CSNK2A2: variants seen among roughly 807,000 people sequenced by gnomAD.
CSNK2A2 encodes casein kinase II subunit alpha'.
Under a neutral mutation model 54.0 loss-of-function variants are expected in CSNK2A2, and 8 were observed. That is an observed-to-expected ratio of 0.15 (90% confidence interval 0.09 to 0.27). The LOEUF is 0.27. Among genes scored for constraint, CSNK2A2 ranks in the 10% least tolerant of loss-of-function variants. The pLI, the probability that CSNK2A2 is intolerant of heterozygous loss-of-function variation, is 1.00. For synonymous variants in CSNK2A2, 141 were observed against 153.9 expected (o/e 0.92, Z 0.62); for missense variants, 242 against 439.4 (o/e 0.55, Z 4.02).
intron 10 of CSNK2A2, among the ~76,000 whole-genome samples, chr16:58,164,656 A>G (rs1256385960): frequency 1.3e-5 from 2 of 152,186 alleles, no homozygotes; most frequent in African/African-American, 2.4e-5. Context: ...TCCTAATTTG[A>G]TCTAACTCGG....
intron 11 of CSNK2A2, 122 bp downstream of exon 11, chr16:58,163,932 G>T: frequency 1.3e-6 from 1 of 755,166 alleles, no homozygotes; most frequent in African/African-American, 1.7e-5. Flanking sequence ...AGACTTTTAG[G>T]TCTTTACTCT....
intron 5 of CSNK2A2, among the ~76,000 whole-genome samples, chr16:58,173,370 C>G (rs764736665): frequency 5.9e-5 from 9 of 152,174 alleles, no homozygotes; most frequent in Non-Finnish European, 1.3e-4. Context: ...AGATCTACAA[C>G]TACCCTAAAA....
At chr16:58,173,892 C>G (rs1203277010) in intron 5 of CSNK2A2, 1 of 152,236 alleles carries the variant, frequency 6.6e-6, no homozygotes, top group Non-Finnish European at 1.5e-5. Flanking sequence ...TGAAAAGTGC[C>G]TATACATTGA....
In CSNK2A2 at chr16:58,164,143, A is replaced by G; in HGVS notation, c.981T>C (p.Pro327=). ...AAGGCTGGGACTGCTCCTTCACCAC[A>G]GGGTCTGCAAGAAAGCAGGAGGAAA... is the stretch of plus-strand genomic sequence containing the variant. ...KEAMEHPYFY[P]VVKEQSQPCA... is the part of the protein sequence containing the mutation. Residue 327 remains proline (P), a synonymous_variant, in exon 11 of 12, where the codon CCT becomes CCC. Coordinates refer to ENST00000262506, the MANE Select transcript of CSNK2A2 (RefSeq NM_001896.4). 6.2e-7 allele frequency: 1 copy of G among 1,613,742 alleles called. No homozygotes were observed. Among genetic ancestry groups the G allele is most frequent in the Non-Finnish European group, 8.5e-7 (1 of 1,179,780 alleles).
chr16:58,173,959 G>C (rs1961808290), intron 5 of CSNK2A2: 5 of 152,550 alleles, frequency 3.3e-5, no homozygotes, highest in Admixed American at 3.3e-4. Context: ...GAAGCAGCAT[G>C]AACTTCACAG....
At chr16:58,182,726 GT>G (rs1481092689) in intron 4 of CSNK2A2, among the ~76,000 whole-genome samples, 3 of 152,110 alleles carry the variant, frequency 2.0e-5, no homozygotes, top group Non-Finnish European at 4.4e-5. Context: ...AAAATATTTG[GT>G]TTCATTAAAG....
chr16:58,192,584 G>A (rs1239020025), intron 2 of CSNK2A2: 2 of 152,288 alleles, frequency 1.3e-5, no homozygotes, highest in East Asian at 1.9e-4. Flanking sequence ...AGCCCTCGAG[G>A]ACTCTTGGAT....
intron 2 of CSNK2A2, among the ~76,000 whole-genome samples, chr16:58,196,210 A>G (rs1962440320): frequency 6.6e-6 from 1 of 152,244 alleles, no homozygotes; most frequent in Non-Finnish European, 1.5e-5. Flanking sequence ...ACATTTTAGA[A>G]CAAACACTTT....
Position 58,196,843 on chromosome 16 carries a change from T to C in CSNK2A2, c.106A>G (p.Asn36Asp), listed in dbSNP as rs747744716. ...DYEAHVPSWG[N>D]QDDYQLVRKL... is the part of the protein sequence containing the mutation. Reference sequence around the variant, plus strand: ...CGAACCAGTTGGTAATCATCTTGATTACTGTAAAAGGAAGACACACACATA... The same window carrying C: ...CGAACCAGTTGGTAATCATCTTGATCACTGTAAAAGGAAGACACACACATA... Residue 36 changes from asparagine to aspartate, a missense_variant and splice_region_variant, in exon 2 of 12, where the codon AAT (asparagine) becomes GAT (aspartate). Transcript: ENST00000262506. 6.3e-7 allele frequency: 1 copy of C among 1,596,194 alleles called. No individual in the cohort carries two copies. Among genetic ancestry groups the C allele is most frequent in the Non-Finnish European group, 8.6e-7 (1 of 1,163,726 alleles).
intron 2 of CSNK2A2, among the ~76,000 whole-genome samples, chr16:58,188,445 G>A (rs938586327): frequency 3.9e-5 from 6 of 152,166 alleles, no homozygotes; most frequent in Non-Finnish European, 8.8e-5. Context: ...CAAAATAACC[G>A]GCCTGTAAGA....
chr16:58,170,615 T>G (rs1961708498), intron 5 of CSNK2A2, among the ~76,000 whole-genome samples: 1 of 152,116 alleles, frequency 6.6e-6, no homozygotes, highest in Admixed American at 6.5e-5. Context: ...AGGGTTCAAG[T>G]TTCTCCACAT....
intron 5 of CSNK2A2, 61 bp downstream of exon 5, chr16:58,174,389 CA>C: frequency 8.2e-7 from 1 of 1,217,956 alleles, no homozygotes; most frequent in Non-Finnish European, 1.2e-6. Flanking sequence ...TTTGTTCTCT[CA>C]AAAACTTATC....
chr16:58,196,942 C>T, intron 1 of CSNK2A2, 98 bp from the exon 2 acceptor site: 1 of 799,050 alleles, frequency 1.3e-6, no homozygotes, highest in South Asian at 1.4e-5. Context: ...CAGGCAAACA[C>T]TTGGAAGTGT....
Position 58,167,810 on chromosome 16 carries a change from G to GA in CSNK2A2, c.514-16dup, listed in dbSNP as rs752856180. On this transcript the variant is annotated splice_polypyrimidine_tract_variant and intron_variant, in intron 6 of 11. Transcript: ENST00000262506. ...ATCAGTCGCAGCTACAAATAGGACA[G>GA]AAAAAAACATGTGAAAGGAGTGTTT... 41 of 1,600,836 alleles carry GA rather than the reference G, an allele frequency of 2.6e-5. No individual in the cohort carries two copies. The African/African-American group carries it at 4.0e-4, about 16-fold the overall frequency.
At chr16:58,184,742 C>T (rs1962145989) in intron 3 of CSNK2A2, among the ~76,000 whole-genome samples, 1 of 152,100 alleles carries the variant, frequency 6.6e-6, no homozygotes, top group East Asian at 1.9e-4. Flanking sequence ...TTCCAGTCTG[C>T]CATATACAAA....
chr16:58,188,129 CACATA>C (rs1471044056), intron 2 of CSNK2A2, among the ~76,000 whole-genome samples: 2 of 152,092 alleles, frequency 1.3e-5, no homozygotes, highest in African/African-American at 4.8e-5. Context: ...CAGCTTTGAA[CACATA>C]ACAAAACAGA....
chr16:58,193,425 A>G lies in CSNK2A2; in HGVS notation c.216+3308T>C, dbSNP rs142785167. On this transcript the variant is annotated intron_variant, in intron 2 of 11. Coordinates refer to ENST00000262506, the MANE Select transcript of CSNK2A2 (RefSeq NM_001896.4). ...CCCTTTGTTTAAAGCTAAATAATTA[A>G]TATCTAGGGGAAAATGGATAGTCAA... 2.0e-5 allele frequency among the ~76,000 whole-genome samples: 3 copies of G among 152,348 alleles called. No homozygotes were observed. The East Asian group carries it at 5.8e-4, about 29-fold the overall frequency.
rs1480883631 is a variant in CSNK2A2 at position 58,197,063 on chromosome 16, G to A, written c.105-219C>T. ...TTGGTCTCTCCTAACTTGGGAAGAT[G>A]GGGCAGGAAGGCAACGCTCTGAGCC... On this transcript the variant is annotated intron_variant, in intron 1 of 11. Coordinates refer to ENST00000262506, the MANE Select transcript of CSNK2A2 (RefSeq NM_001896.4). The surrounding 1 kb of genome is among the most constrained non-coding windows in gnomAD (Gnocchi z 4.0). 1 of 517,798 alleles carries A rather than the reference G, an allele frequency of 1.9e-6. No individual in the cohort carries two copies. The highest frequency in any genetic ancestry group is 1.9e-5 in the African/African-American group (1 of 52,056). The allele number at this position is 517,798 out of a possible 1,614,324, so 32.1% of individuals were successfully genotyped here.
In CSNK2A2 at chr16:58,174,362, A is replaced by G. The variant is rs558800284; in HGVS notation, c.429+89T>C. 9 of 911,272 alleles carry G rather than the reference A, an allele frequency of 9.9e-6. No individual in the cohort carries two copies. The African/African-American group carries it at 1.4e-4, about 14-fold the overall frequency. The allele number at this position is 911,272 out of a possible 1,614,324, so 56.4% of individuals were successfully genotyped here. On this transcript the variant is annotated intron_variant, in intron 5 of 11. Transcript: ENST00000262506. ...CTAAATCCTCTGGGTATCAAGAAAC[A>G]TTCTGCTTAAGTTCTCTTTGTTCTC...
Sources: allele counts gnomAD v4.1 joint callset (sites outside exome capture counted in the v4.1 genomes callset), GRCh38; gene constraint gnomAD v4.1.1; non-coding constraint Gnocchi (gnomAD v3.1); transcripts MANE v1.5; gene names NCBI Gene and HGNC (gene_info 2026-07-23, HGNC 2026-07-21).